The following NBR1 variants were observed in gnomAD, a reference collection of about 807,000 sequenced individuals.
NBR1 encodes next to BRCA1 gene 1 protein.
In NBR1, 59 loss-of-function variants were observed where a neutral mutation model predicts 115.5. That is an observed-to-expected ratio of 0.51 (90% CI 0.41 to 0.63). The LOEUF is 0.63. Ranked by LOEUF, NBR1 falls within the 30% of genes least tolerant of loss-of-function variation. The pLI, the probability that NBR1 is intolerant of heterozygous loss-of-function variation, is 0.00. For synonymous variants in NBR1, 373 were observed against 414.7 expected (o/e 0.90, Z 1.22); for missense variants, 1,043 against 1,150.5 (o/e 0.91, Z 1.35).
intron 20 of NBR1, among the ~76,000 whole-genome samples, chr17:43,205,605 G>T (rs1279817762): frequency 1.3e-5 from 2 of 152,098 alleles, no homozygotes; most frequent in African/African-American, 4.8e-5. Context: ...GGCTGGGCTT[G>T]GTGGCTCACA....
chr17:43,186,214 C>A, intron 5 of NBR1, 36 bp from the exon 6 acceptor site: 5 of 1,506,066 alleles, frequency 3.3e-6, no homozygotes, highest in Non-Finnish European at 4.5e-6. Context: ...AAGATAATCA[C>A]GTCGCATGTT....
chr17:43,204,553 C>T (rs1052345571), intron 20 of NBR1, among the ~76,000 whole-genome samples: 7 of 151,484 alleles, frequency 4.6e-5, no homozygotes, highest in African/African-American at 1.7e-4. Context: ...CAGTGGCTCA[C>T]ACCTGTAATC....
At chr17:43,175,697 C>T in intron 1 of NBR1, 94 bp from the exon 2 acceptor site, 2 of 611,462 alleles carry the variant, frequency 3.3e-6, no homozygotes, top group South Asian at 2.2e-5. Flanking sequence ...ATATTGGGTC[C>T]TCACAAGTAT....
At chr17:43,191,966 C>T (rs541147711) in intron 10 of NBR1, among the ~76,000 whole-genome samples, 29 of 150,482 alleles carry the variant, frequency 1.9e-4, no homozygotes, top group African/African-American at 6.8e-4. Context: ...GTGATCCGCC[C>T]GCCTTGGACT....
intron 12 of NBR1, among the ~76,000 whole-genome samples, 197 bp from the exon 13 acceptor site, chr17:43,194,153 G>A (rs192778273): frequency 5.9e-5 from 9 of 152,226 alleles, no homozygotes; most frequent in African/African-American, 9.6e-5. Context: ...ATAAGTTATC[G>A]TCATTAGGGG....
chr17:43,179,548 G>T, intron 4 of NBR1, 136 bp downstream of exon 4: 1 of 844,168 alleles, frequency 1.2e-6, no homozygotes, highest in East Asian at 2.6e-5. Context: ...TAGTTACCTA[G>T]GGGATTTTAT....
chr17:43,173,667 T>C (rs1247848942), intron 1 of NBR1, among the ~76,000 whole-genome samples: 1 of 152,206 alleles, frequency 6.6e-6, no homozygotes, highest in Non-Finnish European at 1.5e-5. Flanking sequence ...ATGGTAACAC[T>C]GTGAGATAGT....
At chr17:43,185,522 G>C (rs1468990161) in intron 5 of NBR1, among the ~76,000 whole-genome samples, 1 of 151,934 alleles carries the variant, frequency 6.6e-6, no homozygotes, top group African/African-American at 2.4e-5. Flanking sequence ...AACACAGTGA[G>C]ACTCCTGTCT....
At chr17:43,190,555 AC>A (rs2056919212) in intron 8 of NBR1, 53 bp from the exon 9 acceptor site, 1 of 1,537,452 alleles carries the variant, frequency 6.5e-7, no homozygotes, top group African/African-American at 1.4e-5. Flanking sequence ...ATATCTCCCT[AC>A]CCCAGGTACT....
At position 43,211,614 on chromosome 17, in the gene NBR1, T is replaced by A. The variant is rs2057417189; in HGVS notation, c.*1540T>A. ...AATCGAGGGCCAGGAGGGCCCGGGTTGCTCTCCTGGTTATGTATGTACTTG... is the reference window on the plus strand; with the variant it reads ...AATCGAGGGCCAGGAGGGCCCGGGTAGCTCTCCTGGTTATGTATGTACTTG... On this transcript the variant is annotated 3_prime_UTR_variant, in exon 21 of 21. Transcript: ENST00000590996. The A allele has an allele frequency of 1.3e-5, 2 of 152,326 alleles. No individual in the cohort carries two copies. The highest frequency in any genetic ancestry group is 2.9e-5 in the Non-Finnish European group (2 of 68,040). 9.4% of individuals were successfully genotyped at this position (152,326 alleles called of 1,614,324 possible).
chr17:43,171,058 T>C (rs887043972), upstream of NBR1: 1 of 152,548 alleles, frequency 6.6e-6, no homozygotes, highest in Non-Finnish European at 1.5e-5. Context: ...TGTTTGTTAT[T>C]GTTGTTCGGG....
At chr17:43,189,533 T>C in intron 7 of NBR1, 55 bp from the exon 8 acceptor site, 1 of 1,300,974 alleles carries the variant, frequency 7.7e-7, no homozygotes, top group East Asian at 2.3e-5. Flanking sequence ...TATCTTCACA[T>C]TTTTTTCTGA....
chr17:43,205,934 C>CT (rs1293470876), intron 20 of NBR1, among the ~76,000 whole-genome samples: 1 of 144,698 alleles, frequency 6.9e-6, no homozygotes, highest in Admixed American at 7.0e-5. Flanking sequence ...AATCTCAACA[C>CT]TTTGGGAGGC....
intron 8 of NBR1, chr17:43,190,357 C>T: frequency 8.6e-6 from 4 of 467,456 alleles, no homozygotes; most frequent in South Asian, 8.1e-5. Flanking sequence ...CAGACATGAG[C>T]CACTGTGCCT....
intron 5 of NBR1, among the ~76,000 whole-genome samples, chr17:43,184,369 A>ATTATTTTTTTTTTTT (rs1597977030): frequency 1.4e-4 from 3 of 21,884 alleles, no homozygotes; most frequent in Non-Finnish European, 2.8e-4. Flanking sequence ...CCAAAATACT[A>ATTATTTTTTTTTTTT]TTCTTTTTTT....
At position 43,180,776 on chromosome 17, in the gene NBR1, A is replaced by G; in HGVS notation, c.185-19A>G. 6.8e-7 allele frequency: 1 copy of G among 1,460,000 alleles called. No individual in the cohort carries two copies. The highest frequency in any genetic ancestry group is 9.1e-7 in the Non-Finnish European group (1 of 1,100,876). 90.4% of individuals were successfully genotyped at this position (1,460,000 alleles called of 1,614,324 possible). On this transcript the variant is annotated intron_variant, in intron 4 of 20. Coordinates refer to ENST00000590996, the MANE Select transcript of NBR1 (RefSeq NM_005899.5). ...GGTGTGTGAAGAAGTATCATGGTGT[A>G]TATTTTTTGTTCTTTTAGGAGAATA...
intron 4 of NBR1, 76 bp downstream of exon 4, chr17:43,179,488 C>G (rs2056610616): frequency 1.5e-6 from 2 of 1,334,938 alleles, no homozygotes; most frequent in Non-Finnish European, 2.1e-6. Flanking sequence ...TATTTATACT[C>G]AAACCTTATT....
At chr17:43,194,896 C>T (rs772782564) in intron 13 of NBR1, 68 bp from the exon 14 acceptor site, 69 of 1,182,504 alleles carry the variant, frequency 5.8e-5, no homozygotes, top group Non-Finnish European at 8.1e-5. Flanking sequence ...TGGAAATGGT[C>T]TACAGGTCCC....
At chr17:43,200,870 T>G (rs947118636) in intron 17 of NBR1, among the ~76,000 whole-genome samples, 1 of 148,822 alleles carries the variant, frequency 6.7e-6, no homozygotes, top group African/African-American at 2.5e-5. Context: ...TGGTTGTGTT[T>G]TTTTTTTTTT....
Sources: gnomAD v4.1 joint callset for allele counts (sites outside exome capture counted in the v4.1 genomes callset) on GRCh38, gnomAD v4.1.1 for gene constraint, MANE v1.5 for transcripts, NCBI Gene and HGNC (gene_info 2026-07-23, HGNC 2026-07-21) for gene names.